The following DHX34 variants were observed in gnomAD, a reference collection of about 807,000 sequenced individuals.
DHX34 encodes DExH-box helicase 34.
In DHX34, 96 loss-of-function variants were observed where a neutral mutation model predicts 111.1. That is an observed-to-expected ratio of 0.86 (90% CI 0.73 to 1.02). DHX34 has a LOEUF of 1.02. DHX34 is among the 50% of genes least tolerant of loss of function. The pLI is 0.00. For missense variants in DHX34, 1,560 were observed against 1,579.9 expected, an observed-to-expected ratio of 0.99 and a Z score of 0.21; for synonymous variants, 688 against 670.4, an observed-to-expected ratio of 1.03 and a Z score of -0.41.
chr19:47,376,085 G>A lies in DHX34; in HGVS notation c.2469G>A (p.Lys823=). ...AVPDAFNSSR[K]DSDQIFHTQA... Reference sequence around the variant, plus strand: ...CCGACGCCTTCAACAGCAGCCGAAAGGACTCAGACCAGGTGGGGCCTGTTC... The same window carrying A: ...CCGACGCCTTCAACAGCAGCCGAAAAGACTCAGACCAGGTGGGGCCTGTTC... Residue 823 remains lysine, a synonymous_variant, in exon 11 of 17, where the codon AAG becomes AAA. Transcript: ENST00000328771. The A allele has an allele frequency of 6.4e-7, 1 of 1,563,732 alleles. No homozygotes were observed. Among genetic ancestry groups the A allele is most frequent in the Non-Finnish European group, 8.6e-7 (1 of 1,156,952 alleles).
intron 12 of DHX34, 125 bp from the exon 13 acceptor site, chr19:47,376,975 C>T (rs1235157036): frequency 2.6e-6 from 4 of 1,553,734 alleles, no homozygotes; most frequent in East Asian, 4.8e-5. Context: ...TGAGCCAGGC[C>T]ACCAAAGCCA....
chr19:47,352,681 A>T (rs577192496), intron 1 of DHX34, 73 bp from the exon 2 acceptor site: 16 of 230,882 alleles, frequency 6.9e-5, no homozygotes, highest in Non-Finnish European at 1.2e-4. Flanking sequence ...CCTCAAAAAG[A>T]AAAAAACAAA....
intron 6 of DHX34, 44 bp downstream of exon 6, chr19:47,362,737 C>T (rs116957765): frequency 0.014 from 21,058 of 1,525,516 alleles, 160 homozygotes; most frequent in Non-Finnish European, 0.016. Context: ...ACTGCTGGCA[C>T]AGGGAGGAAC....
intron 3 of DHX34, chr19:47,357,624 CT>C (rs1969494922): frequency 4.1e-6 from 2 of 486,886 alleles, no homozygotes; most frequent in African/African-American, 2.1e-5. Context: ...ATTATCCAGA[CT>C]GAAATGTCAA....
chr19:47,379,257 A>G (rs537160821), intron 13 of DHX34, among the ~76,000 whole-genome samples: 24 of 152,304 alleles, frequency 1.6e-4, no homozygotes, highest in African/African-American at 5.8e-4. Context: ...CCATCCACGC[A>G]TGGCCAGTCC....
At chr19:47,364,164 G>C (rs1969718465) in intron 6 of DHX34, among the ~76,000 whole-genome samples, 1 of 152,130 alleles carries the variant, frequency 6.6e-6, no homozygotes, top group Non-Finnish European at 1.5e-5. Flanking sequence ...TCAAGGGCAT[G>C]GGAAGTGAGT....
rs551181382 is a variant in DHX34 at position 47,366,267 on chromosome 19, AATTTTATTTT to A, written c.1594-693_1594-684del. ...CTGCACAGTGGATCTTGACATTGGG[AATTTTATTTT>A]ATTTTATTTTATTTTATTTTTGAGA... On this transcript the variant is annotated intron_variant, in intron 6 of 16. Coordinates refer to ENST00000328771, the MANE Select transcript of DHX34 (RefSeq NM_014681.6). 2.1e-3 allele frequency among the ~76,000 whole-genome samples: 314 copies of A among 152,010 alleles called. 2 individuals are homozygous for A. Among genetic ancestry groups the A allele is most frequent in the African/African-American group, 7.2e-3 (300 of 41,420 alleles).
intron 6 of DHX34, among the ~76,000 whole-genome samples, chr19:47,366,531 G>C (rs1969789831): frequency 6.8e-6 from 1 of 147,498 alleles, no homozygotes; most frequent in Non-Finnish European, 1.5e-5. Context: ...TCCACCTGCT[G>C]TGGCCTCCCA....
In DHX34 at chr19:47,360,041, T is replaced by C. The variant is rs749641026; in HGVS notation, c.1346T>C (p.Ile449Thr). 10 of 1,613,970 alleles carry C rather than the reference T, an allele frequency of 6.2e-6. No individual in the cohort carries two copies. Among genetic ancestry groups the C allele is most frequent in the East Asian group, 2.2e-5 (1 of 44,870 alleles). Residue 449 changes from isoleucine to threonine, a missense_variant, in exon 5 of 17, where the codon ATT (isoleucine) becomes ACT (threonine). Transcript: ENST00000328771. ...AACATTGCTGAGACCTCAGTCACCA[T>C]TGACGGGATCCGCTTCGTAGTAGAT... ...STNIAETSVTIDGIRFVVDSG... is the reference protein window; with the variant it reads ...STNIAETSVTTDGIRFVVDSG...
At chr19:47,380,018 TG>T in intron 14 of DHX34, 33 bp downstream of exon 14, 1 of 1,547,452 alleles carries the variant, frequency 6.5e-7, no homozygotes, top group Non-Finnish European at 8.8e-7. Context: ...TGCCTCCCTA[TG>T]GCCAGAAGGG....
In DHX34 at chr19:47,360,765, G is replaced by A. The variant is rs149480048; in HGVS notation, c.1375+695G>A. Among the ~76,000 whole-genome samples, 136 of 152,040 alleles carry A rather than the reference G, an allele frequency of 8.9e-4. 1 individual carries two copies. The East Asian group carries it at 0.023, about 26-fold the overall frequency. On this transcript the variant is annotated intron_variant, in intron 5 of 16. Coordinates refer to ENST00000328771, the MANE Select transcript of DHX34 (RefSeq NM_014681.6). The stretch of plus-strand genomic sequence containing the variant: ...TGCAATGGTGCAAGCTCCGCCTCCC[G>A]GGTTCAAGTGATTCTCCTGCTTCAG...
intron 7 of DHX34, among the ~76,000 whole-genome samples, chr19:47,370,213 G>A (rs1969923094): frequency 6.6e-6 from 1 of 152,170 alleles, no homozygotes. Flanking sequence ...CTCTCGCTTG[G>A]ATTCCCCAGC....
chr19:47,360,942 TTACGGGCA>T (rs1356420432), intron 5 of DHX34, among the ~76,000 whole-genome samples: 5 of 151,978 alleles, frequency 3.3e-5, no homozygotes, highest in African/African-American at 1.2e-4. Flanking sequence ...AGTGCTGGGA[TTACGGGCA>T]TGAGCCACCA....
Position 47,380,954 on chromosome 19 carries a change from T to C in DHX34, c.3121T>C (p.Tyr1041His). ...GTCCCCCCACCCCACAAAGGGGGGC[T>C]ACGCAGTCACTGACTTCCTCACCTA... ...TLSPHPTKGG[Y>H]AVTDFLTYNC... Residue 1041 changes from tyrosine to histidine, a missense_variant, in exon 15 of 17, where the codon TAC (tyrosine) becomes CAC (histidine). By Grantham distance (83) the Tyr-to-His change is moderately conservative. Coordinates refer to ENST00000328771, the MANE Select transcript of DHX34 (RefSeq NM_014681.6). 6.3e-7 allele frequency: 1 copy of C among 1,599,482 alleles called. No homozygotes were observed. Among genetic ancestry groups the C allele is most frequent in the Non-Finnish European group, 8.5e-7 (1 of 1,173,666 alleles).
rs1354042845 is a variant in DHX34, at chr19:47,382,365, C to CT, written c.*253dup. 5 of 589,780 alleles carry CT rather than the reference C, an allele frequency of 8.5e-6. No homozygotes were observed. Among genetic ancestry groups the CT allele is most frequent in the Non-Finnish European group, 1.4e-5 (5 of 364,558 alleles). The allele number at this position is 589,780 out of a possible 1,614,324, so 36.5% of individuals were successfully genotyped here. ...CAGGGTCTAGCTTTCCTTCTTCCTGCTGCAGGGTGCTGCCTGAGGGGTCCT... is the reference window on the plus strand; with the variant it reads ...CAGGGTCTAGCTTTCCTTCTTCCTGCTTGCAGGGTGCTGCCTGAGGGGTCCT... On this transcript the variant is annotated 3_prime_UTR_variant, in exon 17 of 17. Transcript: ENST00000328771.
intron 13 of DHX34, among the ~76,000 whole-genome samples, chr19:47,378,554 T>C (rs941115): frequency 2.0e-3 from 301 of 152,202 alleles, no homozygotes; most frequent in African/African-American, 7.0e-3. Flanking sequence ...GTTGAGAGAA[T>C]CTGGCCAGCT....
Position 47,367,130 on chromosome 19 carries a change from C to T in DHX34, c.1743C>T (p.Ala581=). ...TCACACCCATTGGGTCCCTGCTAGC[C>T]CAGCTGCCTGTGGACGTTGTGATTG... ...EALTPIGSLL[A]QLPVDVVIGK... is the part of the protein sequence containing the mutation. The change falls in exon 7 of 17, where the codon GCC becomes GCT. Residue 581 remains alanine, a synonymous_variant. Transcript: ENST00000328771. 6.4e-7 allele frequency: 1 copy of T among 1,566,804 alleles called. No homozygotes were observed. Among genetic ancestry groups the T allele is most frequent in the Non-Finnish European group, 8.7e-7 (1 of 1,156,006 alleles).
chr19:47,374,876 C>T (rs950663917), intron 9 of DHX34, among the ~76,000 whole-genome samples: 1 of 152,206 alleles, frequency 6.6e-6, no homozygotes, highest in African/African-American at 2.4e-5. Flanking sequence ...CTGTGTCCTC[C>T]ATCGGTCAGG....
intron 7 of DHX34, among the ~76,000 whole-genome samples, chr19:47,368,181 T>A (rs369375306): frequency 6.7e-6 from 1 of 150,014 alleles, no homozygotes; most frequent in Non-Finnish European, 1.5e-5. Flanking sequence ...ACAGAGGCCC[T>A]GTGGGGGCAC....
Sources: allele counts gnomAD v4.1 joint callset (sites outside exome capture counted in the v4.1 genomes callset), GRCh38; gene constraint gnomAD v4.1.1; transcripts MANE v1.5; gene names NCBI Gene and HGNC (gene_info 2026-07-23, HGNC 2026-07-21).